The following NDUFA13 variants were observed in gnomAD, a reference collection of about 807,000 sequenced individuals.
NDUFA13 encodes NADH:ubiquinone oxidoreductase subunit A13, also known as NADH dehydrogenase [ubiquinone] 1 alpha subcomplex subunit 13.
In NDUFA13, 16 loss-of-function variants were observed where a neutral mutation model predicts 17.0. The observed-to-expected ratio is 0.94, with a 90% CI of 0.64 to 1.43. The LOEUF is 1.43. Among genes scored for constraint, NDUFA13 ranks in the 40% most tolerant of loss-of-function variants. The pLI is 0.00. For synonymous variants in NDUFA13, 87 were observed against 78.4 expected, an observed-to-expected ratio of 1.11 and a Z score of -0.58; for missense variants, 228 against 206.7, an observed-to-expected ratio of 1.10 and a Z score of -0.63.
At position 19,528,137 on chromosome 19, in the gene NDUFA13, C is replaced by G; in HGVS notation, c.*11C>G. On this transcript the variant is annotated 3_prime_UTR_variant, in exon 5 of 5. Transcript: ENST00000507754. Reference sequence around the variant, plus strand: ...ATGTGGTACACGTAGGCCCTGTGCCCTCCGGCCACCTGGATCCCTGCCCCT... The same window carrying G: ...ATGTGGTACACGTAGGCCCTGTGCCGTCCGGCCACCTGGATCCCTGCCCCT... The G allele has an allele frequency of 6.2e-7, 1 of 1,611,102 alleles. No individual in the cohort carries two copies.
intron 1 of NDUFA13, among the ~76,000 whole-genome samples, chr19:19,524,247 A>G (rs2061090864): frequency 6.6e-6 from 1 of 152,252 alleles, no homozygotes; most frequent in Non-Finnish European, 1.5e-5. Flanking sequence ...GTTGGCGAGG[A>G]GGAAGAGCCC....
In NDUFA13 at chr19:19,527,778, C is replaced by T. The variant is rs1168975131; in HGVS notation, c.315+8C>T. The T allele has an allele frequency of 2.6e-6, 4 of 1,552,128 alleles. No individual in the cohort carries two copies. The highest frequency in any genetic ancestry group is 3.5e-6 in the Non-Finnish European group (4 of 1,147,238). ...GACGTGCCCGACTGGAAGGTGGGTC[C>T]CGGCTGGGAGGGCAGAGGTGCCAGC... On this transcript the variant is annotated splice_region_variant and intron_variant, in intron 4 of 4. Transcript: ENST00000507754.
rs1315418188 is a variant in NDUFA13 at position 19,528,107 on chromosome 19, G to T, written c.416G>T (p.Gly139Val). 6.2e-7 allele frequency: 1 copy of T among 1,611,810 alleles called. No homozygotes were observed. Among genetic ancestry groups the T allele is most frequent in the Admixed American group, 1.7e-5 (1 of 59,988 alleles). Residue 139 changes from glycine to valine, a missense_variant, in exon 5 of 5, where the codon GGC becomes GTC. Transcript: ENST00000507754. ...TTEEALHASHGFMWYT is the reference protein window; with the variant it reads ...TTEEALHASHVFMWYT ...GAGGAGGCTCTCCATGCCAGCCACG[G>T]CTTCATGTGGTACACGTAGGCCCTG...
rs1330845115 is a variant in NDUFA13, at chr19:19,527,728, G to A, written c.273G>A (p.Leu91=). 6.4e-7 allele frequency: 1 copy of A among 1,552,664 alleles called. No homozygotes were observed. Among genetic ancestry groups the A allele is most frequent in the Non-Finnish European group, 8.7e-7 (1 of 1,147,402 alleles). Residue 91 remains leucine (L), a synonymous_variant, in exon 4 of 5, where the codon CTG becomes CTA. Coordinates refer to ENST00000507754, the MANE Select transcript of NDUFA13 (RefSeq NM_015965.7). ...CCTTGCAGATGCTTCGGGAGAACCT[G>A]GAGGAGGAGGCCATCATCATGAAGG... The part of the protein sequence containing the change: ...RRTLQMLREN[L]EEEAIIMKDV...
intron 1 of NDUFA13, among the ~76,000 whole-genome samples, chr19:19,519,101 G>A (rs143918595): frequency 0.01 from 1,508 of 143,938 alleles, 8 homozygotes; most frequent in South Asian, 0.022. Context: ...ATGTAGGCCA[G>A]GCTGGTCTCG....
rs562522070 is a variant in NDUFA13, at chr19:19,522,157, T to C, written c.95-4025T>C. ...CCATCTCTACTAAAAATACAAAAAT[T>C]AGCTGGGCGCGGTGGCGGGCACCTG... is the stretch of plus-strand genomic sequence containing the variant. On this transcript the variant is annotated intron_variant, in intron 1 of 4. Transcript: ENST00000507754. Among the ~76,000 whole-genome samples the C allele has an allele frequency of 1.7e-3, 260 of 151,704 alleles. 1 individual carries two copies. Among genetic ancestry groups the C allele is most frequent in the Non-Finnish European group, 2.8e-3 (192 of 67,916 alleles).
At chr19:19,527,059 C>CA (rs1413383881) in intron 2 of NDUFA13, among the ~76,000 whole-genome samples, 2 of 152,244 alleles carry the variant, frequency 1.3e-5, no homozygotes, top group Admixed American at 1.3e-4. Context: ...GTCTTGTGGG[C>CA]AGTCACCCGT....
chr19:19,519,969 C>G (rs1235308643), intron 1 of NDUFA13, among the ~76,000 whole-genome samples: 1 of 131,016 alleles, frequency 7.6e-6, no homozygotes, highest in Non-Finnish European at 1.6e-5. Flanking sequence ...GCTTTTTGTT[C>G]TCTTTTTTTT....
chr19:19,527,747 A>G lies in NDUFA13; in HGVS notation c.292A>G (p.Met98Val). The G allele has an allele frequency of 1.3e-6, 2 of 1,552,930 alleles. No homozygotes were observed. Among genetic ancestry groups the G allele is most frequent in the South Asian group, 1.2e-5 (1 of 84,136 alleles). The change falls in exon 4 of 5, where the codon ATG becomes GTG. Residue 98 changes from methionine to valine, a missense_variant. By Grantham distance (21) the Met-to-Val change is conservative. Coordinates refer to ENST00000507754, the MANE Select transcript of NDUFA13 (RefSeq NM_015965.7). Reference sequence around the variant, plus strand: ...GAACCTGGAGGAGGAGGCCATCATCATGAAGGACGTGCCCGACTGGAAGGT... The same window carrying G: ...GAACCTGGAGGAGGAGGCCATCATCGTGAAGGACGTGCCCGACTGGAAGGT... ...RENLEEEAII[M>V]KDVPDWKVGE...
Position 19,527,323 on chromosome 19 carries a change from G to A in NDUFA13, c.216G>A (p.Leu72=), listed in dbSNP as rs748545901. ...ACTTCGAGGCTCGCATCGCGCTGTTGCCACTGTTACAGGCAGAAACCGACC... is the reference window on the plus strand; with the variant it reads ...ACTTCGAGGCTCGCATCGCGCTGTTACCACTGTTACAGGCAGAAACCGACC... ...IEDFEARIAL[L]PLLQAETDRR... is the part of the protein sequence containing the mutation. Residue 72 remains leucine, a synonymous_variant, in exon 3 of 5, where the codon TTG becomes TTA. Transcript: ENST00000507754. 3 of 1,613,988 alleles carry A rather than the reference G, an allele frequency of 1.9e-6. No homozygotes were observed. The highest frequency in any genetic ancestry group is 1.1e-5 in the South Asian group (1 of 91,092).
intron 1 of NDUFA13, among the ~76,000 whole-genome samples, chr19:19,525,120 G>A (rs2061094412): frequency 6.6e-6 from 1 of 152,200 alleles, no homozygotes; most frequent in African/African-American, 2.4e-5. Context: ...GCTGAGAGCT[G>A]GGAGCTGGCC....
intron 3 of NDUFA13, 36 bp downstream of exon 3, chr19:19,527,388 G>T: frequency 6.2e-7 from 1 of 1,611,042 alleles, no homozygotes; most frequent in Non-Finnish European, 8.5e-7. Flanking sequence ...GAGGTCACTG[G>T]CCGGAAGGCC....
chr19:19,521,631 C>A (rs2144640446), intron 1 of NDUFA13, among the ~76,000 whole-genome samples: 1 of 8,508 alleles, frequency 1.2e-4, no homozygotes, highest in Middle Eastern at 0.029. Context: ...GAGATGGAGT[C>A]TTGCTCTGTC....
Position 19,516,278 on chromosome 19 carries a change from G to C in NDUFA13, c.40G>C (p.Gly14Arg), listed in dbSNP as rs571749182. 6.2e-7 allele frequency: 1 copy of C among 1,613,956 alleles called. No individual in the cohort carries two copies. Among genetic ancestry groups the C allele is most frequent in the Non-Finnish European group, 8.5e-7 (1 of 1,180,036 alleles). ...SKVKQDMPPP[G>R]GYGPIDYKRN... Reference sequence around the variant, plus strand: ...GGTGAAGCAGGACATGCCTCCGCCGGGGGGCTATGGGCCCATCGACTACAA... The same window carrying C: ...GGTGAAGCAGGACATGCCTCCGCCGCGGGGCTATGGGCCCATCGACTACAA... Residue 14 changes from glycine (G) to arginine (R), a missense_variant, in exon 1 of 5, where the codon GGG becomes CGG. By Grantham distance (125) the Gly-to-Arg change is moderately radical. Transcript: ENST00000507754.
chr19:19,523,946 T>G (rs1206035781), intron 1 of NDUFA13, among the ~76,000 whole-genome samples: 1 of 152,048 alleles, frequency 6.6e-6, no homozygotes, highest in Non-Finnish European at 1.5e-5. Context: ...TAAAATAAAA[T>G]ACGTATTTTG....
At chr19:19,522,332 A>G (rs1449734488) in intron 1 of NDUFA13, among the ~76,000 whole-genome samples, 1 of 151,962 alleles carries the variant, frequency 6.6e-6, no homozygotes, top group East Asian at 1.9e-4. Context: ...AATAATTTCA[A>G]TGAAGTCCAA....
intron 1 of NDUFA13, among the ~76,000 whole-genome samples, chr19:19,519,506 C>T (rs535400899): frequency 7.3e-4 from 111 of 152,270 alleles, no homozygotes; most frequent in African/African-American, 2.5e-3. Context: ...CAGCCTTTCC[C>T]GGTGGAGGAG....
intron 1 of NDUFA13, chr19:19,525,933 C>G: frequency 8.9e-7 from 1 of 1,127,506 alleles, no homozygotes; most frequent in Non-Finnish European, 1.2e-6. Context: ...TCCAAACAGC[C>G]TTCTAGAACA....
chr19:19,521,645 C>G (rs368887750), intron 1 of NDUFA13, among the ~76,000 whole-genome samples: 1 of 14,528 alleles, frequency 6.9e-5, no homozygotes. Flanking sequence ...CTCTGTCGCC[C>G]GGGCTGGAGT....
Sources: allele counts gnomAD v4.1 joint callset (sites outside exome capture counted in the v4.1 genomes callset), GRCh38; gene constraint gnomAD v4.1.1; transcripts MANE v1.5; gene names NCBI Gene and HGNC (gene_info 2026-07-23, HGNC 2026-07-21).